The following CELF2 variants were observed in gnomAD, a reference collection of about 807,000 sequenced individuals.
CELF2 encodes the protein CUG triplet repeat RNA-binding protein 2.
CELF2 carries 8 observed loss-of-function variants against 62.6 expected under a neutral mutation model. That is an observed-to-expected ratio of 0.13 (90% CI 0.07 to 0.23). CELF2 has a LOEUF of 0.23. CELF2 is among the 10% of genes least tolerant of loss of function. CELF2 has a pLI of 1.00. For synonymous variants in CELF2, 258 were observed against 250.0 expected, an observed-to-expected ratio of 1.03 and a Z score of -0.30; for missense variants, 333 against 671.0, an observed-to-expected ratio of 0.50 and a Z score of 5.56.
At chr10:10,876,798 G>A (rs1488429614) in intron 1 of CELF2, among the ~76,000 whole-genome samples, 1 of 152,196 alleles carries the variant, frequency 6.6e-6, no homozygotes, top group African/African-American at 2.4e-5. Context: ...AGATAAGAGT[G>A]ATATTTCAGA....
the CELF2 span, among the ~76,000 whole-genome samples, chr10:10,464,647 A>G: frequency 6.6e-6 from 1 of 152,152 alleles, no homozygotes; most frequent in African/African-American, 2.4e-5. Context: ...ATTCTGAGCT[A>G]GCAACACCAT....
At chr10:10,771,943 C>T in the CELF2 span, among the ~76,000 whole-genome samples, 4 of 152,148 alleles carry the variant, frequency 2.6e-5, no homozygotes, top group African/African-American at 7.2e-5. Context: ...ATATAGACGT[C>T]GGGCAAGTTT....
intron 1 of CELF2, among the ~76,000 whole-genome samples, chr10:11,142,089 A>C (rs1216479725): frequency 6.6e-6 from 1 of 152,212 alleles, no homozygotes; most frequent in African/African-American, 2.4e-5. Flanking sequence ...GCTGCCTGAG[A>C]TGAAAACATC....
intron 1 of CELF2, among the ~76,000 whole-genome samples, chr10:10,814,975 A>G (rs1483731266): frequency 6.6e-6 from 1 of 152,174 alleles, no homozygotes; most frequent in African/African-American, 2.4e-5. Context: ...TCCTTAATAA[A>G]TTACCACTTC....
the CELF2 span, among the ~76,000 whole-genome samples, chr10:10,651,447 A>G: frequency 7.4e-6 from 1 of 135,766 alleles, no homozygotes; most frequent in African/African-American, 2.7e-5. Context: ...GACAGCAGTA[A>G]CCTCTGCAGA....
At chr10:10,495,269 A>C in the CELF2 span, among the ~76,000 whole-genome samples, 1 of 152,084 alleles carries the variant, frequency 6.6e-6, no homozygotes, top group South Asian at 2.1e-4. Context: ...ACAGAGCGAG[A>C]CTCTATCTCA....
intron 2 of CELF2, among the ~76,000 whole-genome samples, chr10:10,939,368 C>T (rs1355596789): frequency 2.0e-5 from 3 of 152,126 alleles, no homozygotes; most frequent in African/African-American, 7.2e-5. Context: ...TCACTGCCAC[C>T]TCTGCCTCCT....
At chr10:11,262,948 T>TTTTTTTTTTTTTTG (rs2138175111) in intron 5 of CELF2, among the ~76,000 whole-genome samples, 1 of 131,610 alleles carries the variant, frequency 7.6e-6, no homozygotes, top group South Asian at 2.6e-4. Context: ...TACTTTTTTT[T>TTTTTTTTTTTTTTG]TTTTTTTTTT....
At chr10:11,085,118 AT>A (rs2046354492) in intron 1 of CELF2, among the ~76,000 whole-genome samples, 1 of 152,178 alleles carries the variant, frequency 6.6e-6, no homozygotes, top group Non-Finnish European at 1.5e-5. Flanking sequence ...TATGGCAGTG[AT>A]TTTATATTTA....
chr10:10,943,210 C>T (rs1207072997), intron 2 of CELF2, among the ~76,000 whole-genome samples: 1 of 152,206 alleles, frequency 6.6e-6, no homozygotes, highest in Admixed American at 6.5e-5. Context: ...ATAAGGTCTT[C>T]TTCCTGGCAA....
chr10:10,710,393 A>G, the CELF2 span, among the ~76,000 whole-genome samples: 17 of 152,226 alleles, frequency 1.1e-4, no homozygotes, highest in African/African-American at 4.1e-4. Context: ...AGAACTTCGT[A>G]TCTTGAAGTA....
At chr10:10,831,126 A>G (rs1012812669) in intron 1 of CELF2, among the ~76,000 whole-genome samples, 2 of 152,232 alleles carry the variant, frequency 1.3e-5, no homozygotes, top group Non-Finnish European at 2.9e-5. Context: ...AGCCTGTAGA[A>G]CAAAGAAAGG....
At chr10:10,721,276 A>G in the CELF2 span, among the ~76,000 whole-genome samples, 3 of 152,198 alleles carry the variant, frequency 2.0e-5, no homozygotes, top group African/African-American at 7.2e-5. Context: ...AAAGTAGCCA[A>G]ATAGATCTAG....
intron 3 of CELF2, among the ~76,000 whole-genome samples, chr10:11,239,141 A>T (rs369624666): frequency 6.6e-6 from 1 of 152,248 alleles, no homozygotes; most frequent in African/African-American, 2.4e-5. Flanking sequence ...ATTCCCTCAT[A>T]GAATTCCACC....
chr10:11,123,062 C>T (rs2058065720), intron 1 of CELF2, among the ~76,000 whole-genome samples: 2 of 151,332 alleles, frequency 1.3e-5, no homozygotes, highest in African/African-American at 4.9e-5. Context: ...CATTGTACAT[C>T]CATAGTTTTC....
chr10:10,626,163 C>T, the CELF2 span, among the ~76,000 whole-genome samples: 2 of 152,030 alleles, frequency 1.3e-5, no homozygotes, highest in South Asian at 2.1e-4. Context: ...TCTTGAGTGC[C>T]TACATCCAAG....
intron 1 of CELF2, among the ~76,000 whole-genome samples, chr10:11,104,310 T>G (rs2142808381): frequency 6.6e-6 from 1 of 152,306 alleles, no homozygotes; most frequent in South Asian, 2.1e-4. Context: ...AAAATAATAG[T>G]TTCGACTTCC....
intron 3 of CELF2, among the ~76,000 whole-genome samples, chr10:11,241,493 C>T (rs768986146): frequency 5.3e-5 from 8 of 152,254 alleles, no homozygotes; most frequent in Non-Finnish European, 1.2e-4. Flanking sequence ...AGTGACCGCG[C>T]TGGGCCAGCT....
intron 1 of CELF2, among the ~76,000 whole-genome samples, chr10:11,064,644 C>A (rs935777324): frequency 6.6e-6 from 1 of 151,918 alleles, no homozygotes; most frequent in African/African-American, 2.4e-5. Flanking sequence ...TGTCTCAATC[C>A]CCTTTTGCTT....
Sources: allele counts gnomAD v4.1 joint callset (sites outside exome capture counted in the v4.1 genomes callset), GRCh38; gene constraint gnomAD v4.1.1; transcripts MANE v1.5; gene names NCBI Gene and HGNC (gene_info 2026-07-23, HGNC 2026-07-21).